ATE1: variants seen among roughly 807,000 people sequenced by gnomAD.
ATE1 encodes arginyltransferase 1.
A neutral mutation model predicts 70.5 loss-of-function variants in ATE1; 36 were observed. The ratio of observed to expected loss-of-function variants is 0.51; its 90% confidence interval spans 0.39 to 0.67. The LOEUF is 0.67. Ranked by LOEUF, ATE1 falls within the 30% of genes least tolerant of loss-of-function variation. The pLI is 0.00. For synonymous variants in ATE1, 232 were observed against 219.3 expected, an observed-to-expected ratio of 1.06 and a Z score of -0.51; for missense variants, 593 against 629.5, an observed-to-expected ratio of 0.94 and a Z score of 0.62.
intron 7 of ATE1, among the ~76,000 whole-genome samples, chr10:121,890,166 A>C (rs1950532056): frequency 6.6e-6 from 1 of 152,226 alleles, no homozygotes. Flanking sequence ...TTACAGAAAA[A>C]AATTAAGAAG....
chr10:121,820,612 A>T (rs1043662998), intron 10 of ATE1, among the ~76,000 whole-genome samples: 3 of 152,246 alleles, frequency 2.0e-5, no homozygotes, highest in African/African-American at 7.2e-5. Context: ...TTATTTGCAC[A>T]GTGCTTCAAC....
Position 121,778,208 on chromosome 10 carries a change from T to C in ATE1, c.1378+11961A>G, listed in dbSNP as rs76620327. On this transcript the variant is annotated intron_variant, in intron 11 of 11. Transcript: ENST00000224652. ...GAAACCTAACACACAGCTTTAAAAG[T>C]TGAGACAACCAGTGTCTTTCCATTG... Among the ~76,000 whole-genome samples the C allele has an allele frequency of 4.4e-4, 67 of 152,304 alleles. No homozygotes were observed. The East Asian group carries it at 0.012, about 26-fold the overall frequency.
intron 11 of ATE1, among the ~76,000 whole-genome samples, chr10:121,754,453 T>A (rs561793731): frequency 6.6e-6 from 1 of 152,150 alleles, no homozygotes; most frequent in East Asian, 1.9e-4. Context: ...CTGAGACAAT[T>A]TGAGCATTCA....
chr10:121,906,190 T>G lies in ATE1; in HGVS notation c.584-3570A>C, dbSNP rs905850812. Reference sequence around the variant, plus strand: ...GAGAGGACTCCTTAAGCACAGGAGTTCCAGACCAGCCTGGGCAACATAGCA... The same window carrying G: ...GAGAGGACTCCTTAAGCACAGGAGTGCCAGACCAGCCTGGGCAACATAGCA... On this transcript the variant is annotated intron_variant, in intron 5 of 11. Coordinates refer to ENST00000224652, the MANE Select transcript of ATE1 (RefSeq NM_001001976.3). Among the ~76,000 whole-genome samples the G allele has an allele frequency of 2.6e-5, 4 of 152,262 alleles. No homozygotes were observed. In the South Asian group the frequency reaches 6.2e-4, roughly 24 times the overall value.
chr10:121,750,163 GC>G (rs1944523950), intron 11 of ATE1, among the ~76,000 whole-genome samples: 1 of 152,044 alleles, frequency 6.6e-6, no homozygotes, highest in Non-Finnish European at 1.5e-5. Flanking sequence ...ATCTTTTCTT[GC>G]TTGCCTAATA....
intron 2 of ATE1, among the ~76,000 whole-genome samples, chr10:121,924,007 T>C (rs999604198): frequency 1.3e-5 from 2 of 152,182 alleles, no homozygotes; most frequent in African/African-American, 4.8e-5. Context: ...GAATCAAACA[T>C]GATTGGCAGA....
At chr10:121,809,085 T>C (rs931052602) in intron 10 of ATE1, among the ~76,000 whole-genome samples, 2 of 152,194 alleles carry the variant, frequency 1.3e-5, no homozygotes, top group African/African-American at 4.8e-5. Flanking sequence ...GCATCACCAC[T>C]GATCTCATCA....
chr10:121,915,230 TAA>T (rs1951600415), intron 3 of ATE1, among the ~76,000 whole-genome samples: 1 of 151,840 alleles, frequency 6.6e-6, no homozygotes, highest in African/African-American at 2.4e-5. Context: ...AATAAACAAA[TAA>T]GAGTCTGAGA....
chr10:121,858,055 A>G (rs1301126800), intron 8 of ATE1, among the ~76,000 whole-genome samples: 1 of 152,124 alleles, frequency 6.6e-6, no homozygotes, highest in Non-Finnish European at 1.5e-5. Context: ...ATTCCTTCAT[A>G]TCTATGTACC....
At chr10:121,918,703 T>C (rs1420308069) in intron 3 of ATE1, among the ~76,000 whole-genome samples, 1 of 151,896 alleles carries the variant, frequency 6.6e-6, no homozygotes, top group East Asian at 1.9e-4. Context: ...CAGCACAGGA[T>C]ACTCTGTCAT....
At chr10:121,925,887 T>TA (rs34468953) in intron 1 of ATE1, among the ~76,000 whole-genome samples, 20 of 141,750 alleles carry the variant, frequency 1.4e-4, no homozygotes, top group East Asian at 6.2e-4. Context: ...GACTGCCTCT[T>TA]AAAAAAAAAA....
At chr10:121,797,944 G>T (rs564781947) in intron 10 of ATE1, among the ~76,000 whole-genome samples, 31 of 152,206 alleles carry the variant, frequency 2.0e-4, no homozygotes, top group Non-Finnish European at 2.8e-4. Flanking sequence ...TTGTTAGAAT[G>T]TAGAGTCAGG....
At chr10:121,810,682 A>G (rs1947283643) in intron 10 of ATE1, among the ~76,000 whole-genome samples, 1 of 152,036 alleles carries the variant, frequency 6.6e-6, no homozygotes, top group African/African-American at 2.4e-5. Flanking sequence ...CATTTAGTAT[A>G]TAACTCTAAC....
At chr10:121,850,487 T>C (rs998417657) in intron 8 of ATE1, among the ~76,000 whole-genome samples, 3 of 152,224 alleles carry the variant, frequency 2.0e-5, no homozygotes, top group Admixed American at 1.3e-4. Context: ...TACTTCAATA[T>C]GTGGAATTGT....
chr10:121,809,066 T>C (rs183283187), intron 10 of ATE1, among the ~76,000 whole-genome samples: 1 of 152,326 alleles, frequency 6.6e-6, no homozygotes, highest in East Asian at 1.9e-4. Flanking sequence ...TTATCAATCA[T>C]GTTTTCTAGC....
intron 11 of ATE1, among the ~76,000 whole-genome samples, chr10:121,780,308 T>G (rs1374885709): frequency 6.6e-6 from 1 of 152,000 alleles, no homozygotes; most frequent in African/African-American, 2.4e-5. Context: ...TACATAACTC[T>G]CTTCACAAAC....
intron 7 of ATE1, among the ~76,000 whole-genome samples, chr10:121,890,008 G>A (rs1351697682): frequency 6.6e-6 from 1 of 152,170 alleles, no homozygotes; most frequent in Non-Finnish European, 1.5e-5. Context: ...AATGGTTCAA[G>A]AGAGAAAGAT....
At chr10:121,797,347 T>C (rs1177149451) in intron 10 of ATE1, among the ~76,000 whole-genome samples, 1 of 152,196 alleles carries the variant, frequency 6.6e-6, no homozygotes. Context: ...ATGTAATTCA[T>C]ATACCATTAA....
chr10:121,864,734 C>G (rs934868562), intron 8 of ATE1, among the ~76,000 whole-genome samples: 14 of 151,944 alleles, frequency 9.2e-5, no homozygotes, highest in Non-Finnish European at 1.6e-4. Context: ...TTAACGATAC[C>G]TCTTTGTATT....
Sources: allele counts gnomAD v4.1 joint callset (sites outside exome capture counted in the v4.1 genomes callset), GRCh38; gene constraint gnomAD v4.1.1; transcripts MANE v1.5; gene names NCBI Gene and HGNC (gene_info 2026-07-23, HGNC 2026-07-21).